Variants in KITLG observed in about 807,000 individuals in gnomAD.
KITLG encodes KIT ligand, also known as c-Kit ligand.
Under a neutral mutation model 34.1 loss-of-function variants are expected in KITLG, and 13 were observed. The ratio of observed to expected loss-of-function variants is 0.38; its 90% CI spans 0.25 to 0.61. The LOEUF is 0.61. Ranked by LOEUF, KITLG falls within the 20% of genes least tolerant of loss-of-function variation. The pLI is 0.60. For missense variants in KITLG, 292 were observed against 318.9 expected (o/e 0.92, Z 0.64); for synonymous variants, 110 against 104.0 (o/e 1.06, Z -0.35).
At chr12:88,524,132 T>C (rs1001445804) in intron 3 of KITLG, among the ~76,000 whole-genome samples, 3 of 152,168 alleles carry the variant, frequency 2.0e-5, no homozygotes, top group African/African-American at 7.2e-5. Flanking sequence ...GGCTTCAGTT[T>C]CTCCATCTAT....
At chr12:88,522,225 G>T (rs998287080) in intron 3 of KITLG, among the ~76,000 whole-genome samples, 3 of 152,046 alleles carry the variant, frequency 2.0e-5, no homozygotes, top group Non-Finnish European at 4.4e-5. Flanking sequence ...CAGAATATGT[G>T]ACACAGAATC....
At chr12:88,563,820 G>A (rs1871364520) in intron 1 of KITLG, among the ~76,000 whole-genome samples, 1 of 152,078 alleles carries the variant, frequency 6.6e-6, no homozygotes, top group Non-Finnish European at 1.5e-5. Flanking sequence ...AAATTAGCTG[G>A]GCATGGTGGT....
Position 88,507,117 on chromosome 12 carries a change from C to T in KITLG, c.625G>A (p.Gly209Arg), listed in dbSNP as rs117563535. ...SSNRKAKNPP[G>R]DSSLHWAAMA... ...GCTGCCCAGTGTAGGCTGGAGTCTCCAGGGGGATTTTTGGCCTTCCCTATA... is the reference window on the plus strand; with the variant it reads ...GCTGCCCAGTGTAGGCTGGAGTCTCTAGGGGGATTTTTGGCCTTCCCTATA... Residue 209 changes from glycine to arginine, a missense_variant, in exon 7 of 10, where the codon GGA becomes AGA. Physicochemically the swap from Gly to Arg is moderately radical, Grantham distance 125 (BLOSUM62 -2). Transcript: ENST00000644744. 1.6e-5 allele frequency: 25 copies of T among 1,612,516 alleles called. No homozygotes were observed. In the East Asian group the frequency reaches 5.4e-4, roughly 35 times the overall value.
chr12:88,506,482 T>C (rs75782796), intron 7 of KITLG, 104 bp from the exon 8 acceptor site: 1 of 830,924 alleles, frequency 1.2e-6, no homozygotes, highest in East Asian at 2.4e-5. Context: ...ATAACTCCAA[T>C]AACAGTTTTT....
intron 2 of KITLG, among the ~76,000 whole-genome samples, chr12:88,541,485 G>A (rs960873376): frequency 2.6e-5 from 4 of 152,130 alleles, no homozygotes; most frequent in Non-Finnish European, 4.4e-5. Context: ...AAAGAGAAGA[G>A]TAGGGAGAAT....
At position 88,497,185 on chromosome 12, in the gene KITLG, G is replaced by C; in HGVS notation, c.*38-4C>G. The C allele has an allele frequency of 2.3e-6, 1 of 440,614 alleles. No homozygotes were observed. The highest frequency in any genetic ancestry group is 1.6e-5 in the South Asian group (1 of 61,124). 27.3% of individuals were successfully genotyped at this position (440,614 alleles called of 1,614,324 possible). A position where few individuals can be genotyped will look rare whatever the true frequency, so the allele number is the denominator to read the frequency against. ...GCAAACATGAACTGTTACCAGCCTA[G>C]AAAGGAAGGAAGAAAAGAGAGATTA... On this transcript the variant is annotated splice_polypyrimidine_tract_variant and splice_region_variant and intron_variant, in intron 9 of 9. Coordinates refer to ENST00000644744, the MANE Select transcript of KITLG (RefSeq NM_000899.5).
intron 7 of KITLG, 102 bp from the exon 8 acceptor site, chr12:88,506,480 A>C: frequency 1.2e-6 from 1 of 836,754 alleles, no homozygotes; most frequent in East Asian, 2.4e-5. Flanking sequence ...CAATAACTCC[A>C]ATAACAGTTT....
chr12:88,574,296 A>G (rs1871758485), intron 1 of KITLG, among the ~76,000 whole-genome samples: 1 of 151,926 alleles, frequency 6.6e-6, no homozygotes, highest in East Asian at 1.9e-4. Context: ...AAAAGAAAAA[A>G]AAAAAAAGAA....
chr12:88,557,035 C>T (rs950080204), intron 1 of KITLG, among the ~76,000 whole-genome samples: 3 of 152,080 alleles, frequency 2.0e-5, no homozygotes, highest in African/African-American at 7.2e-5. Context: ...TATATTACTA[C>T]AGTTTGCCAA....
intron 1 of KITLG, among the ~76,000 whole-genome samples, chr12:88,557,610 A>G (rs1703081): frequency 0.91 from 139,021 of 152,158 alleles, 63,572 homozygotes; most frequent in East Asian, 0.98. Context: ...CGTCTGGAAA[A>G]CTAAAAACGC....
At chr12:88,567,345 T>G (rs1485498623) in intron 1 of KITLG, among the ~76,000 whole-genome samples, 1 of 152,194 alleles carries the variant, frequency 6.6e-6, no homozygotes, top group Non-Finnish European at 1.5e-5. Context: ...AAACTTTGTA[T>G]TACAAAAGAG....
At chr12:88,508,063 T>C (rs1456059900) in intron 6 of KITLG, among the ~76,000 whole-genome samples, 2 of 152,052 alleles carry the variant, frequency 1.3e-5, no homozygotes, top group East Asian at 3.9e-4. Context: ...GGCGCATGCC[T>C]GTAATCCCGG....
intron 1 of KITLG, among the ~76,000 whole-genome samples, chr12:88,578,805 A>G (rs570292290): frequency 6.6e-6 from 1 of 152,356 alleles, no homozygotes; most frequent in Non-Finnish European, 1.5e-5. Context: ...AGATGCTACT[A>G]TAAGAAGGAA....
chr12:88,541,735 A>G (rs2120902444), intron 2 of KITLG, among the ~76,000 whole-genome samples: 1 of 152,328 alleles, frequency 6.6e-6, no homozygotes, highest in African/African-American at 2.4e-5. Context: ...ATGAACTATT[A>G]TGCTTAGTAA....
At chr12:88,500,128 A>G (rs549104595) in intron 9 of KITLG, among the ~76,000 whole-genome samples, 2 of 152,290 alleles carry the variant, frequency 1.3e-5, no homozygotes, top group African/African-American at 4.8e-5. Context: ...CTGGAATCCA[A>G]CTGTCCAAAC....
intron 1 of KITLG, among the ~76,000 whole-genome samples, chr12:88,574,178 T>C (rs1224796565): frequency 6.6e-6 from 1 of 151,962 alleles, no homozygotes; most frequent in East Asian, 1.9e-4. Flanking sequence ...TTCATGGTTG[T>C]GGCCCTGTTT....
Position 88,559,547 on chromosome 12 carries a change from A to G in KITLG, c.16-13682T>C, listed in dbSNP as rs141827397. On this transcript the variant is annotated intron_variant, in intron 1 of 9. Coordinates refer to ENST00000644744, the MANE Select transcript of KITLG (RefSeq NM_000899.5). ...CACTTCAATATACTCTTTGAAGTAT[A>G]TCCCAGGTTTCAATCAGGCAGAGTA... Among the ~76,000 whole-genome samples, 328 of 152,246 alleles carry G rather than the reference A, an allele frequency of 2.2e-3. 1 individual carries two copies. Among genetic ancestry groups the G allele is most frequent in the African/African-American group, 7.5e-3 (312 of 41,536 alleles).
At chr12:88,531,529 G>A (rs1870090526) in intron 3 of KITLG, among the ~76,000 whole-genome samples, 1 of 152,132 alleles carries the variant, frequency 6.6e-6, no homozygotes, top group South Asian at 2.1e-4. Context: ...CTGATACTGT[G>A]TAATGAGAAA....
intron 6 of KITLG, among the ~76,000 whole-genome samples, chr12:88,512,034 T>C (rs1869296375): frequency 6.6e-6 from 1 of 152,116 alleles, no homozygotes; most frequent in Non-Finnish European, 1.5e-5. Flanking sequence ...TAAAAGGAAA[T>C]GTGACCCCTA....
Sources: gnomAD v4.1 joint callset for allele counts (sites outside exome capture counted in the v4.1 genomes callset) on GRCh38, gnomAD v4.1.1 for gene constraint, MANE v1.5 for transcripts, NCBI Gene and HGNC (gene_info 2026-07-23, HGNC 2026-07-21) for gene names.